KAZN: variants seen among roughly 807,000 people sequenced by gnomAD.
The protein encoded by KAZN is kazrin.
In KAZN, 40 loss-of-function variants were observed where a neutral mutation model predicts 87.4. The ratio of observed to expected loss-of-function variants is 0.46; its 90% CI spans 0.36 to 0.60. The LOEUF (loss-of-function observed/expected upper bound fraction) is 0.60. KAZN is among the 20% of genes least tolerant of loss of function. The pLI is 0.00. For synonymous variants in KAZN, 466 were observed against 458.3 expected (o/e 1.02, Z -0.22); for missense variants, 898 against 1,073.9 (o/e 0.84, Z 2.29).
At chr1:14,304,871 A>T (rs949790872) in intron 2 of KAZN, among the ~76,000 whole-genome samples, 15 of 151,938 alleles carry the variant, frequency 9.9e-5, no homozygotes, top group African/African-American at 3.6e-4. Context: ...AAGCCCTAGG[A>T]CTGTGTCGTC....
At chr1:14,116,223 T>C (rs902463038) in intron 1 of KAZN, among the ~76,000 whole-genome samples, 1 of 152,154 alleles carries the variant, frequency 6.6e-6, no homozygotes, top group Non-Finnish European at 1.5e-5. Context: ...GGAAATTGTC[T>C]CCAGGGCATG....
At chr1:13,964,234 G>A (rs912393077) in intron 1 of KAZN, among the ~76,000 whole-genome samples, 1 of 152,198 alleles carries the variant, frequency 6.6e-6, no homozygotes, top group Non-Finnish European at 1.5e-5. Context: ...CTAGATGGGG[G>A]AGATAGAAAT....
chr1:14,100,431 C>T (rs1362665647), intron 1 of KAZN, among the ~76,000 whole-genome samples: 2 of 152,188 alleles, frequency 1.3e-5, no homozygotes, highest in Non-Finnish European at 2.9e-5. Context: ...TAGTTTATTA[C>T]AGCAAAAGGA....
chr1:14,418,999 A>C (rs1193150793), intron 2 of KAZN, among the ~76,000 whole-genome samples: 3 of 152,186 alleles, frequency 2.0e-5, no homozygotes, highest in Admixed American at 6.5e-5. Flanking sequence ...TGCCATTCGG[A>C]TACAACTGTC....
intron 1 of KAZN, among the ~76,000 whole-genome samples, chr1:14,864,609 G>T (rs111271936): frequency 1.3e-5 from 2 of 152,106 alleles, no homozygotes; most frequent in Admixed American, 1.3e-4. Flanking sequence ...TGGGTATAAA[G>T]GTGGGACGGA....
At chr1:14,954,577 C>T (rs778831940) in intron 1 of KAZN, among the ~76,000 whole-genome samples, 52 of 152,184 alleles carry the variant, frequency 3.4e-4, no homozygotes, top group African/African-American at 8.0e-4. Flanking sequence ...CTGCACTGTC[C>T]GGTACCCTAG....
chr1:14,470,325 G>A (rs992456147), intron 2 of KAZN, among the ~76,000 whole-genome samples: 3 of 152,178 alleles, frequency 2.0e-5, no homozygotes, highest in African/African-American at 7.2e-5. Context: ...AGCACTTGGG[G>A]ATAGCAACAA....
chr1:14,652,014 T>C (rs1411337410), intron 1 of KAZN, among the ~76,000 whole-genome samples: 1 of 152,244 alleles, frequency 6.6e-6, no homozygotes, highest in Non-Finnish European at 1.5e-5. Flanking sequence ...TTTAAATTAA[T>C]TCCTACAGAA....
chr1:14,230,316 C>A (rs1647693199), intron 2 of KAZN, among the ~76,000 whole-genome samples: 2 of 152,178 alleles, frequency 1.3e-5, no homozygotes, highest in African/African-American at 4.8e-5. Flanking sequence ...TTGAAATAAA[C>A]CCTTGCCATG....
intron 2 of KAZN, among the ~76,000 whole-genome samples, chr1:14,507,437 G>A (rs1219895795): frequency 4.6e-5 from 7 of 152,094 alleles, no homozygotes; most frequent in African/African-American, 1.7e-4. Flanking sequence ...ATAAACATTA[G>A]TTTCTATGGA....
intron 2 of KAZN, among the ~76,000 whole-genome samples, chr1:14,431,129 AAAGTATAT>A (rs1666043222): frequency 6.6e-6 from 1 of 152,256 alleles, no homozygotes; most frequent in Non-Finnish European, 1.5e-5. Flanking sequence ...ATTGAAGAAC[AAAGTATAT>A]AATGATAGAC....
intron 2 of KAZN, among the ~76,000 whole-genome samples, chr1:14,964,728 C>T (rs560970987): frequency 5.6e-4 from 86 of 152,282 alleles, no homozygotes; most frequent in Non-Finnish European, 1.1e-3. Flanking sequence ...AAGCAGAGCC[C>T]CCAAAGACTT....
At chr1:14,320,356 T>G (rs571278664) in intron 2 of KAZN, among the ~76,000 whole-genome samples, 1 of 152,230 alleles carries the variant, frequency 6.6e-6, no homozygotes, top group South Asian at 2.1e-4. Context: ...TAATCTATAT[T>G]TTATTTATTT....
At chr1:14,013,856 G>A (rs1640438467) in intron 1 of KAZN, among the ~76,000 whole-genome samples, 1 of 152,128 alleles carries the variant, frequency 6.6e-6, no homozygotes, top group Non-Finnish European at 1.5e-5. Context: ...AGATTCCTTG[G>A]AAGCCTCCAG....
At chr1:14,366,270 C>G (rs953442958) in intron 2 of KAZN, among the ~76,000 whole-genome samples, 2 of 152,306 alleles carry the variant, frequency 1.3e-5, no homozygotes, top group South Asian at 2.1e-4. Context: ...TCTGAACGTA[C>G]AAATGAAAAC....
chr1:14,875,514 A>C (rs1406463928), intron 1 of KAZN, among the ~76,000 whole-genome samples: 1 of 151,634 alleles, frequency 6.6e-6, no homozygotes, highest in Admixed American at 6.6e-5. Context: ...AGAAAAAAAA[A>C]CTATTTTCAA....
At chr1:14,675,656 C>T (rs1462181589) in intron 1 of KAZN, among the ~76,000 whole-genome samples, 2 of 152,150 alleles carry the variant, frequency 1.3e-5, no homozygotes, top group Non-Finnish European at 2.9e-5. Context: ...TTAGAACTTA[C>T]ATTTCAGAGC....
intron 2 of KAZN, among the ~76,000 whole-genome samples, chr1:14,377,073 A>G (rs967971424): frequency 3.0e-5 from 1 of 33,458 alleles, no homozygotes; most frequent in African/African-American, 8.8e-5. Flanking sequence ...GTAGCTACTT[A>G]GCCATTCTCC....
chr1:14,417,038 A>G (rs1299708762), intron 2 of KAZN, among the ~76,000 whole-genome samples: 1 of 150,942 alleles, frequency 6.6e-6, no homozygotes, highest in Non-Finnish European at 1.5e-5. Flanking sequence ...ACACACACAC[A>G]CACGTTAACC....
Sources: gnomAD v4.1 joint callset for allele counts (sites outside exome capture counted in the v4.1 genomes callset) on GRCh38, gnomAD v4.1.1 for gene constraint, MANE v1.5 for transcripts, NCBI Gene and HGNC (gene_info 2026-07-23, HGNC 2026-07-21) for gene names.